Variants in RBFOX1 observed in about 807,000 individuals in gnomAD.
RBFOX1 encodes the protein RNA binding fox-1 homolog 1, also known as RNA binding protein fox-1 homolog 1.
Under a neutral mutation model 57.7 loss-of-function variants are expected in RBFOX1, and 8 were observed. The ratio of observed to expected loss-of-function variants is 0.14; its 90% CI spans 0.08 to 0.25. The LOEUF is 0.25. Ranked by LOEUF, RBFOX1 falls within the 10% of genes least tolerant of loss-of-function variation. The pLI is 1.00. For missense variants in RBFOX1, 611 were observed against 548.5 expected (o/e 1.11, Z -1.14); for synonymous variants, 326 against 222.4 (o/e 1.47, Z -4.15).
At chr16:5,969,325 G>GTTTTTTTTCT (rs1392384342) in intron 4 of RBFOX1, among the ~76,000 whole-genome samples, 1 of 120,648 alleles carries the variant, frequency 8.3e-6, no homozygotes, top group Non-Finnish European at 1.6e-5. Flanking sequence ...TTTTTTTTTG[G>GTTTTTTTTCT]TTTGGAAATG....
intron 12 of RBFOX1, among the ~76,000 whole-genome samples, chr16:7,661,965 TG>T (rs1345603285): frequency 4.6e-5 from 7 of 152,132 alleles, no homozygotes; most frequent in African/African-American, 1.7e-4. Flanking sequence ...TGGGCAATGT[TG>T]GTACAAATAG....
At chr16:6,055,489 A>G (rs2095603462) in intron 1 of RBFOX1, among the ~76,000 whole-genome samples, 1 of 144,968 alleles carries the variant, frequency 6.9e-6, no homozygotes. Flanking sequence ...GCTATTCGGG[A>G]GGCTGAGGCA....
At chr16:6,805,748 T>C (rs2086615176) in intron 3 of RBFOX1, among the ~76,000 whole-genome samples, 1 of 152,150 alleles carries the variant, frequency 6.6e-6, no homozygotes, top group Non-Finnish European at 1.5e-5. Flanking sequence ...TTCAAGGTTT[T>C]TCCCTCCACT....
chr16:6,825,802 A>C (rs530616422), intron 3 of RBFOX1, among the ~76,000 whole-genome samples: 1 of 152,310 alleles, frequency 6.6e-6, no homozygotes, highest in Non-Finnish European at 1.5e-5. Context: ...GGGTGGAGAC[A>C]GAGGCAGCGA....
chr16:5,396,023 C>G (rs1432822655), intron 1 of RBFOX1, among the ~76,000 whole-genome samples: 1 of 152,182 alleles, frequency 6.6e-6, no homozygotes, highest in East Asian at 1.9e-4. Flanking sequence ...CTGGTTAGAG[C>G]TGAGGGAGAG....
At chr16:6,557,006 C>CAT (rs1236015537) in intron 2 of RBFOX1, among the ~76,000 whole-genome samples, 1 of 136,360 alleles carries the variant, frequency 7.3e-6, no homozygotes, top group Admixed American at 7.3e-5. Context: ...CATATATATA[C>CAT]ATATATATAC....
chr16:6,068,460 A>G (rs993917342), intron 1 of RBFOX1, among the ~76,000 whole-genome samples: 5 of 152,168 alleles, frequency 3.3e-5, no homozygotes, highest in Non-Finnish European at 7.3e-5. Flanking sequence ...TTGAAGCATG[A>G]CAAAATAATG....
chr16:7,178,571 T>C (rs2082108599), intron 4 of RBFOX1, among the ~76,000 whole-genome samples: 1 of 152,224 alleles, frequency 6.6e-6, no homozygotes, highest in Admixed American at 6.5e-5. Flanking sequence ...TTTATGGGTA[T>C]ATTTCTGTTT....
At chr16:6,672,634 T>C (rs1265039059) in intron 3 of RBFOX1, among the ~76,000 whole-genome samples, 1 of 152,138 alleles carries the variant, frequency 6.6e-6, no homozygotes, top group African/African-American at 2.4e-5. Flanking sequence ...CAGGTACACA[T>C]GGATCCAGGT....
chr16:6,542,622 T>C (rs1229029457), intron 2 of RBFOX1, among the ~76,000 whole-genome samples: 1 of 150,746 alleles, frequency 6.6e-6, no homozygotes, highest in Admixed American at 6.6e-5. Flanking sequence ...GGCAAGTAGC[T>C]GGGACCACAG....
intron 4 of RBFOX1, among the ~76,000 whole-genome samples, chr16:7,507,478 G>T (rs1409718101): frequency 2.0e-5 from 3 of 151,746 alleles, no homozygotes; most frequent in Non-Finnish European, 2.9e-5. Flanking sequence ...TTTTGACAGT[G>T]CCCATCCCTG....
intron 3 of RBFOX1, among the ~76,000 whole-genome samples, chr16:6,803,497 G>A (rs994739964): frequency 5.9e-5 from 9 of 152,144 alleles, no homozygotes; most frequent in African/African-American, 2.2e-4. Flanking sequence ...GCTCCCCAGT[G>A]CAATCTGTGT....
chr16:6,881,585 C>G (rs1023637890), intron 3 of RBFOX1, among the ~76,000 whole-genome samples: 12 of 152,200 alleles, frequency 7.9e-5, no homozygotes, highest in African/African-American at 2.4e-4. Context: ...TCCAGTCATA[C>G]TGGCTTACAG....
intron 4 of RBFOX1, among the ~76,000 whole-genome samples, chr16:7,345,641 T>C (rs1305651300): frequency 6.6e-6 from 1 of 152,112 alleles, no homozygotes; most frequent in Non-Finnish European, 1.5e-5. Flanking sequence ...TCTGTCTACA[T>C]TGTAAGGGAC....
intron 1 of RBFOX1, among the ~76,000 whole-genome samples, chr16:6,144,646 C>G (rs2096743893): frequency 6.6e-6 from 1 of 152,190 alleles, no homozygotes; most frequent in African/African-American, 2.4e-5. Context: ...CAGCTTCTGC[C>G]CACATCAGTC....
intron 4 of RBFOX1, among the ~76,000 whole-genome samples, chr16:5,989,850 A>ACC (rs1555463986): frequency 2.0e-5 from 2 of 100,346 alleles, no homozygotes; most frequent in East Asian, 1.7e-3. Flanking sequence ...CCTAACACAC[A>ACC]CACACACACA....
chr16:6,016,884 A>G (rs1257482673), upstream of RBFOX1, among the ~76,000 whole-genome samples: 2 of 152,190 alleles, frequency 1.3e-5, no homozygotes, highest in Non-Finnish European at 2.9e-5. Context: ...GAATAGCATA[A>G]TGGCATGCCA....
At chr16:6,873,125 G>A (rs1296614916) in intron 3 of RBFOX1, among the ~76,000 whole-genome samples, 1 of 149,244 alleles carries the variant, frequency 6.7e-6, no homozygotes, top group East Asian at 2.0e-4. Flanking sequence ...TAGTTTCTAT[G>A]CATTGGAAAA....
intron 1 of RBFOX1, among the ~76,000 whole-genome samples, chr16:6,219,289 G>T (rs768613200): frequency 2.0e-5 from 3 of 151,644 alleles, no homozygotes; most frequent in Non-Finnish European, 4.4e-5. Context: ...GGCAACACTG[G>T]GAGACTGCAT....
Sources: gnomAD v4.1 joint callset for allele counts (sites outside exome capture counted in the v4.1 genomes callset) on GRCh38, gnomAD v4.1.1 for gene constraint, MANE v1.5 for transcripts, NCBI Gene and HGNC (gene_info 2026-07-23, HGNC 2026-07-21) for gene names.